Variants in COL5A1 observed in about 807,000 individuals in gnomAD.
COL5A1 encodes collagen alpha-1(V) chain.
In COL5A1, 16 loss-of-function variants were observed where a neutral mutation model predicts 263.7. That is an observed-to-expected ratio of 0.06 (90% CI 0.04 to 0.09). The LOEUF is 0.09. Among genes scored for constraint, COL5A1 ranks in the 10% least tolerant of loss-of-function variants. The pLI is 1.00. For missense variants in COL5A1, 2,036 were observed against 2,540.5 expected (o/e 0.80, Z 4.27); for synonymous variants, 1,012 against 1,004.5 (o/e 1.01, Z -0.14).
chr9:134,694,039 G>A (rs889563941), intron 2 of COL5A1, among the ~76,000 whole-genome samples: 3 of 152,246 alleles, frequency 2.0e-5, no homozygotes, highest in African/African-American at 4.8e-5. Flanking sequence ...CCACGGCAAG[G>A]CCTGGGCTGT....
At position 134,691,012 on chromosome 9, in the gene COL5A1, C is replaced by T. The variant is rs1161786135; in HGVS notation, c.210C>T (p.Gly70=). The change falls in exon 2 of 66, where the codon GGC becomes GGT. Residue 70 remains glycine, a synonymous_variant. Transcript: ENST00000371817. ...GCGCCACGCGGCGATCTTCCAAAGG[C>T]CCGGATGTCGCTTACAGAGTCACCA... ...GFCATRRSSK[G]PDVAYRVTKD... 1 of 1,613,816 alleles carries T rather than the reference C, an allele frequency of 6.2e-7. No individual in the cohort carries two copies. The highest frequency in any genetic ancestry group is 1.3e-5 in the African/African-American group (1 of 75,078).
At chr9:134,801,190 T>C (rs1838100601) in intron 37 of COL5A1, among the ~76,000 whole-genome samples, 1 of 152,226 alleles carries the variant, frequency 6.6e-6, no homozygotes, top group Non-Finnish European at 1.5e-5. Context: ...AAGCTAAAAA[T>C]AACGCATCCA....
At chr9:134,761,154 A>G (rs1320555618) in intron 18 of COL5A1, among the ~76,000 whole-genome samples, 1 of 143,122 alleles carries the variant, frequency 7.0e-6, no homozygotes. Flanking sequence ...CACGCCACGC[A>G]CACGCATACA....
intron 37 of COL5A1, among the ~76,000 whole-genome samples, chr9:134,798,841 C>G (rs1215879682): frequency 2.6e-5 from 4 of 152,338 alleles, no homozygotes; most frequent in South Asian, 4.1e-4. Context: ...AGTGCTACCC[C>G]GCTTGAGGGA....
intron 1 of COL5A1, among the ~76,000 whole-genome samples, chr9:134,660,616 T>C (rs538179233): frequency 2.6e-5 from 4 of 152,166 alleles, no homozygotes; most frequent in Non-Finnish European, 5.9e-5. Context: ...AGGAGGGTAT[T>C]GCATCCCAGC....
chr9:134,775,013 C>G, intron 27 of COL5A1, 101 bp downstream of exon 27: 1 of 1,100,734 alleles, frequency 9.1e-7, no homozygotes, highest in South Asian at 1.3e-5. Context: ...GGTTTAATGT[C>G]CCTGCTATTC....
At chr9:134,836,935 T>G (rs963135364) in intron 65 of COL5A1, among the ~76,000 whole-genome samples, 1 of 152,228 alleles carries the variant, frequency 6.6e-6, no homozygotes, top group African/African-American at 2.4e-5. Flanking sequence ...CTCATCCCTG[T>G]GTAAGGTTGA....
At chr9:134,744,729 A>C in intron 11 of COL5A1, among the ~76,000 whole-genome samples, 1 of 151,746 alleles carries the variant, frequency 6.6e-6, no homozygotes, top group East Asian at 1.9e-4. Context: ...TTACACACAC[A>C]TGCACTCACA....
intron 11 of COL5A1, among the ~76,000 whole-genome samples, chr9:134,745,072 C>G (rs1302664817): frequency 2.0e-5 from 3 of 152,218 alleles, no homozygotes; most frequent in Non-Finnish European, 4.4e-5. Context: ...TCACATTTAT[C>G]TTCAAAGCTT....
intron 2 of COL5A1, among the ~76,000 whole-genome samples, chr9:134,698,084 A>C (rs1833544594): frequency 6.6e-6 from 1 of 152,082 alleles, no homozygotes; most frequent in Non-Finnish European, 1.5e-5. Flanking sequence ...ACTCTATCTC[A>C]AAAAAACCCC....
intron 63 of COL5A1, among the ~76,000 whole-genome samples, chr9:134,829,734 A>G (rs1839513811): frequency 6.6e-6 from 1 of 151,358 alleles, no homozygotes; most frequent in South Asian, 2.1e-4. Flanking sequence ...CTCAAGGCCC[A>G]GGCCAGGCTC....
chr9:134,839,028 G>A (rs796813666), intron 65 of COL5A1, among the ~76,000 whole-genome samples: 2 of 152,228 alleles, frequency 1.3e-5, no homozygotes, highest in South Asian at 4.1e-4. Context: ...TGCTGCAGGA[G>A]GCCCTGATGC....
rs955624375 is a variant in COL5A1, at chr9:134,642,840, G to T, written c.109+544G>T. On this transcript the variant is annotated intron_variant, in intron 1 of 65. Coordinates refer to ENST00000371817, the MANE Select transcript of COL5A1 (RefSeq NM_000093.5). This position sits in a 1 kb window ranked among gnomAD's most constrained non-coding sequence, Gnocchi z 4.5. ...GCGCCCTGCTTTCCCCAGGGACAGC[G>T]TTTCCTGCAGCCTTGGTCACCTAAG... Among the ~76,000 whole-genome samples the T allele has an allele frequency of 2.0e-5, 3 of 152,206 alleles. No individual in the cohort carries two copies. The highest frequency in any genetic ancestry group is 6.5e-5 in the Admixed American group (1 of 15,286).
intron 2 of COL5A1, chr9:134,691,813 G>C (rs1303260596): frequency 6.6e-6 from 1 of 152,652 alleles, no homozygotes; most frequent in Non-Finnish European, 1.5e-5. Flanking sequence ...AGAAAGGGAC[G>C]GGGGATGTAG....
intron 65 of COL5A1, among the ~76,000 whole-genome samples, chr9:134,838,907 G>A (rs768580495): frequency 3.9e-5 from 6 of 152,226 alleles, no homozygotes; most frequent in Non-Finnish European, 7.3e-5. Context: ...GGCCATGGGG[G>A]TGGCATGCAG....
At chr9:134,751,306 C>T (rs1049181069) in intron 13 of COL5A1, among the ~76,000 whole-genome samples, 3 of 152,276 alleles carry the variant, frequency 2.0e-5, no homozygotes, top group South Asian at 2.1e-4. Context: ...GCTGAGGGTC[C>T]GGGTTCTAAC....
At chr9:134,768,319 A>C in intron 24 of COL5A1, 91 bp from the exon 25 acceptor site, 1 of 1,146,384 alleles carries the variant, frequency 8.7e-7, no homozygotes, top group Non-Finnish European at 1.3e-6. Context: ...CTGTGTGGGC[A>C]GAAATGTTGA....
chr9:134,644,734 G>T (rs1588394484), intron 1 of COL5A1, among the ~76,000 whole-genome samples: 1 of 152,288 alleles, frequency 6.6e-6, no homozygotes, highest in East Asian at 1.9e-4. Flanking sequence ...TTGCATTTGG[G>T]GCTGCTGAAC....
chr9:134,728,457 C>T (rs1020173631), intron 5 of COL5A1, among the ~76,000 whole-genome samples: 2 of 152,358 alleles, frequency 1.3e-5, no homozygotes, highest in African/African-American at 4.8e-5. Context: ...GGTGTTCCCC[C>T]TGCTTTCTCT....
Sources: gnomAD v4.1 joint callset for allele counts (sites outside exome capture counted in the v4.1 genomes callset) on GRCh38, gnomAD v4.1.1 for gene constraint, Gnocchi (gnomAD v3.1) non-coding constraint, MANE v1.5 for transcripts, NCBI Gene and HGNC (gene_info 2026-07-23, HGNC 2026-07-21) for gene names.